CHCHD3: variants seen among roughly 807,000 people sequenced by gnomAD.
CHCHD3 encodes coiled-coil-helix-coiled-coil-helix domain containing 3.
Under a neutral mutation model 38.2 loss-of-function variants are expected in CHCHD3, and 20 were observed. The observed-to-expected ratio is 0.52, with a 90% CI of 0.37 to 0.76. The LOEUF is 0.76. CHCHD3 is among the 30% of genes least tolerant of loss of function. CHCHD3 has a pLI of 0.00. For synonymous variants in CHCHD3, 82 were observed against 100.0 expected (o/e 0.82, Z 1.07); for missense variants, 245 against 279.2 (o/e 0.88, Z 0.87).
At chr7:132,847,978 A>G (rs1808123225) in intron 5 of CHCHD3, among the ~76,000 whole-genome samples, 1 of 152,192 alleles carries the variant, frequency 6.6e-6, no homozygotes. Context: ...CCCAGAAAAG[A>G]ACAAGACGAT....
Position 133,082,053 on chromosome 7 carries a change from G to C in CHCHD3, c.-116C>G, listed in dbSNP as rs938432618. The C allele has an allele frequency of 3.2e-6, 3 of 934,800 alleles. No individual in the cohort carries two copies. Among genetic ancestry groups the C allele is most frequent in the Admixed American group, 6.3e-5 (2 of 31,582 alleles). The allele number at this position is 934,800 out of a possible 1,614,324, so 57.9% of individuals were successfully genotyped here. ...TCTTTTCCCGCACAGCGGGAGCAAGGCCACGACCCCCAGAAGCAAGGAGAA... is the reference window on the plus strand; with the variant it reads ...TCTTTTCCCGCACAGCGGGAGCAAGCCCACGACCCCCAGAAGCAAGGAGAA... On this transcript the variant is annotated 5_prime_UTR_variant, in exon 1 of 8. Coordinates refer to ENST00000262570, the MANE Select transcript of CHCHD3 (RefSeq NM_017812.4).
chr7:133,005,963 G>T (rs753758378), intron 3 of CHCHD3, among the ~76,000 whole-genome samples: 20 of 152,180 alleles, frequency 1.3e-4, no homozygotes, highest in Non-Finnish European at 2.8e-4. Flanking sequence ...TTGCATATCT[G>T]TTGTATCTCG....
intron 6 of CHCHD3, among the ~76,000 whole-genome samples, chr7:132,799,284 G>A (rs1806716324): frequency 6.6e-6 from 1 of 152,160 alleles, no homozygotes; most frequent in Non-Finnish European, 1.5e-5. Flanking sequence ...AATGCTAAAT[G>A]AGATTGCTGT....
intron 3 of CHCHD3, among the ~76,000 whole-genome samples, chr7:133,012,925 C>T (rs10273842): frequency 0.012 from 1,831 of 151,604 alleles, 40 homozygotes; most frequent in African/African-American, 0.042. Flanking sequence ...GTGTCTAACG[C>T]TTGTAATCCC....
chr7:133,052,850 T>C (rs1261410072), intron 2 of CHCHD3, among the ~76,000 whole-genome samples: 1 of 152,226 alleles, frequency 6.6e-6, no homozygotes, highest in African/African-American at 2.4e-5. Flanking sequence ...GTGCCATAGC[T>C]CATTTGTATA....
intron 3 of CHCHD3, among the ~76,000 whole-genome samples, chr7:132,991,989 C>T (rs1812295167): frequency 1.3e-5 from 2 of 152,176 alleles, no homozygotes; most frequent in Non-Finnish European, 2.9e-5. Flanking sequence ...CTCAGCTTCT[C>T]ACCCCTCTTC....
intron 5 of CHCHD3, among the ~76,000 whole-genome samples, chr7:132,875,806 T>C (rs1808882448): frequency 6.6e-6 from 1 of 152,222 alleles, no homozygotes; most frequent in Admixed American, 6.5e-5. Context: ...AATCCTATCT[T>C]AGTCTACACG....
At chr7:132,802,683 A>C (rs1806823419) in intron 6 of CHCHD3, among the ~76,000 whole-genome samples, 1 of 152,108 alleles carries the variant, frequency 6.6e-6, no homozygotes, top group African/African-American at 2.4e-5. Context: ...AGGGAGATAA[A>C]ATTTTTACTT....
At chr7:132,838,512 G>A (rs1217354717) in intron 5 of CHCHD3, 43 bp from the exon 6 acceptor site, 1 of 1,387,870 alleles carries the variant, frequency 7.2e-7, no homozygotes, top group African/African-American at 1.4e-5. Context: ...TATCCAAGAT[G>A]ACAAAATGTG....
rs193185098 is a variant in CHCHD3, at chr7:132,918,775, C to G, written c.370-33030G>C. 1.9e-3 allele frequency among the ~76,000 whole-genome samples: 295 copies of G among 152,248 alleles called. 1 individual carries two copies. Among genetic ancestry groups the G allele is most frequent in the African/African-American group, 6.8e-3 (282 of 41,534 alleles). ...CTTTACAAGTCTTCCCAAAGCATTCCTCTTATTTTTCATAGAAACAGCTAC... is the reference window on the plus strand; with the variant it reads ...CTTTACAAGTCTTCCCAAAGCATTCGTCTTATTTTTCATAGAAACAGCTAC... On this transcript the variant is annotated intron_variant, in intron 4 of 7. Transcript: ENST00000262570.
rs552633140 is a variant in CHCHD3 at position 132,963,712 on chromosome 7, C to T, written c.369+11457G>A. Among the ~76,000 whole-genome samples the T allele has an allele frequency of 5.3e-5, 8 of 151,654 alleles. No individual in the cohort carries two copies. The East Asian group carries it at 1.5e-3, about 29-fold the overall frequency. Reference sequence around the variant, plus strand: ...ACGATTATACACACACACACACACACATAATCTAGCAATGTTAATACTCAG... The same window carrying T: ...ACGATTATACACACACACACACACATATAATCTAGCAATGTTAATACTCAG... On this transcript the variant is annotated intron_variant, in intron 4 of 7. Transcript: ENST00000262570.
chr7:132,945,302 G>A (rs1438078883), intron 4 of CHCHD3, among the ~76,000 whole-genome samples: 2 of 151,876 alleles, frequency 1.3e-5, no homozygotes, highest in African/African-American at 2.4e-5. Context: ...TTAAATAAAT[G>A]TGAAAATACT....
chr7:133,079,415 C>T (rs966213174), intron 1 of CHCHD3, among the ~76,000 whole-genome samples: 1 of 152,194 alleles, frequency 6.6e-6, no homozygotes, highest in Admixed American at 6.5e-5. Flanking sequence ...CCCAGGTCTG[C>T]TTGGTTCCAA....
intron 6 of CHCHD3, among the ~76,000 whole-genome samples, chr7:132,812,692 A>G (rs2117054191): frequency 6.6e-6 from 1 of 152,262 alleles, no homozygotes; most frequent in Middle Eastern, 3.4e-3. Flanking sequence ...TTTAAACCAC[A>G]AATCTGGTCT....
intron 2 of CHCHD3, among the ~76,000 whole-genome samples, chr7:133,033,785 A>T (rs1023680809): frequency 6.6e-6 from 1 of 152,206 alleles, no homozygotes; most frequent in Non-Finnish European, 1.5e-5. Flanking sequence ...CCACTTATAA[A>T]GATCATCTTA....
chr7:132,870,217 G>A (rs1585589390), intron 5 of CHCHD3, among the ~76,000 whole-genome samples: 1 of 151,914 alleles, frequency 6.6e-6, no homozygotes, highest in African/African-American at 2.4e-5. Flanking sequence ...CGGTGTGATG[G>A]CACGTGCATG....
At chr7:132,967,880 C>T (rs7798220) in intron 4 of CHCHD3, among the ~76,000 whole-genome samples, 1 of 150,138 alleles carries the variant, frequency 6.7e-6, no homozygotes, top group African/African-American at 2.4e-5. Flanking sequence ...ATGAGGAAAG[C>T]GGGTCTGACA....
intron 4 of CHCHD3, among the ~76,000 whole-genome samples, chr7:132,960,412 T>C (rs1430870402): frequency 6.6e-6 from 1 of 152,262 alleles, no homozygotes; most frequent in East Asian, 1.9e-4. Flanking sequence ...AGGATGTTAT[T>C]TAGAACTTGT....
At chr7:132,792,064 C>T (rs1382790037) in intron 7 of CHCHD3, among the ~76,000 whole-genome samples, 1 of 152,198 alleles carries the variant, frequency 6.6e-6, no homozygotes, top group African/African-American at 2.4e-5. Context: ...CTGACAGACT[C>T]ATCATCTAAC....
Sources: allele counts gnomAD v4.1 joint callset (sites outside exome capture counted in the v4.1 genomes callset), GRCh38; gene constraint gnomAD v4.1.1; transcripts MANE v1.5; gene names NCBI Gene and HGNC (gene_info 2026-07-23, HGNC 2026-07-21).